Variants in STK3 observed in about 807,000 individuals in gnomAD.
The protein encoded by STK3 is serine/threonine kinase 3, also known as serine/threonine-protein kinase 3.
STK3 carries 41 observed loss-of-function variants against 58.0 expected under a neutral mutation model. The ratio of observed to expected loss-of-function variants is 0.71; its 90% confidence interval spans 0.55 to 0.92. STK3 has a LOEUF of 0.92. STK3 is among the 40% of genes least tolerant of loss of function. The pLI is 0.00. For synonymous variants in STK3, 170 were observed against 191.0 expected, an observed-to-expected ratio of 0.89 and a Z score of 0.91; for missense variants, 479 against 602.7, an observed-to-expected ratio of 0.79 and a Z score of 2.15.
At chr8:98,903,584 C>A in intron 1 of STK3, among the ~76,000 whole-genome samples, 1 of 132,424 alleles carries the variant, frequency 7.6e-6, no homozygotes, top group Non-Finnish European at 1.5e-5. Flanking sequence ...TGGGGCCTTG[C>A]TCTGTCACTC....
chr8:98,913,244 A>G (rs887241592), intron 1 of STK3, among the ~76,000 whole-genome samples: 1 of 152,248 alleles, frequency 6.6e-6, no homozygotes, highest in Non-Finnish European at 1.5e-5. Context: ...CTTCTTTCAA[A>G]TTCCACAAAT....
intron 2 of STK3, among the ~76,000 whole-genome samples, chr8:98,375,580 CCT>C (rs1817666562): frequency 6.6e-6 from 1 of 152,148 alleles, no homozygotes; most frequent in Non-Finnish European, 1.5e-5. Flanking sequence ...GGCCTTAATC[CCT>C]GGAAACCACT....
intron 1 of STK3, among the ~76,000 whole-genome samples, chr8:98,892,457 C>T (rs1168271262): frequency 2.0e-5 from 3 of 152,196 alleles, no homozygotes; most frequent in Admixed American, 6.5e-5. Flanking sequence ...AGAATGAAGT[C>T]CAGATTCGTT....
At chr8:98,691,550 A>C (rs898370890) in intron 6 of STK3, among the ~76,000 whole-genome samples, 36 of 152,170 alleles carry the variant, frequency 2.4e-4, no homozygotes, top group Admixed American at 8.5e-4. Context: ...GGCAGTAAAA[A>C]GTTAAAGGAG....
chr8:98,663,887 C>A (rs562095069), intron 6 of STK3, among the ~76,000 whole-genome samples: 4 of 152,250 alleles, frequency 2.6e-5, no homozygotes, highest in African/African-American at 9.6e-5. Flanking sequence ...TTCTCCTTTA[C>A]AACAAACTTT....
At chr8:98,840,240 AG>A (rs1337344751) in intron 3 of STK3, among the ~76,000 whole-genome samples, 3 of 151,196 alleles carry the variant, frequency 2.0e-5, no homozygotes, top group Non-Finnish European at 4.4e-5. Flanking sequence ...CCAGCCACTC[AG>A]GAGGCTGAGG....
chr8:98,792,131 CA>C (rs1468806274), intron 1 of STK3, among the ~76,000 whole-genome samples: 2 of 152,078 alleles, frequency 1.3e-5, no homozygotes, highest in African/African-American at 2.4e-5. Context: ...ACAATCCCAT[CA>C]AAAAGTGGGC....
At chr8:98,796,709 A>T (rs1204384570) in intron 1 of STK3, among the ~76,000 whole-genome samples, 1 of 152,240 alleles carries the variant, frequency 6.6e-6, no homozygotes, top group Non-Finnish European at 1.5e-5. Context: ...CAAACTATGC[A>T]GCCGTCAAAG....
intron 1 of STK3, among the ~76,000 whole-genome samples, chr8:98,803,740 T>A (rs551823233): frequency 6.6e-6 from 1 of 152,226 alleles, no homozygotes; most frequent in South Asian, 2.1e-4. Flanking sequence ...AATGAATCTT[T>A]AAAACGGGTA....
At chr8:98,461,395 T>C (rs1414952574) in intron 10 of STK3, among the ~76,000 whole-genome samples, 1 of 152,252 alleles carries the variant, frequency 6.6e-6, no homozygotes, top group Admixed American at 6.5e-5. Context: ...GGTAAGTCTC[T>C]TGAAGACAGC....
chr8:98,792,429 G>T (rs1832861491), intron 1 of STK3, among the ~76,000 whole-genome samples: 1 of 152,224 alleles, frequency 6.6e-6, no homozygotes, highest in South Asian at 2.1e-4. Flanking sequence ...GGGAGCAGTG[G>T]CTCACGCCTG....
At chr8:98,733,406 C>G (rs997748415) in intron 4 of STK3, among the ~76,000 whole-genome samples, 1 of 152,206 alleles carries the variant, frequency 6.6e-6, no homozygotes, top group African/African-American at 2.4e-5. Context: ...AGATCAGCAG[C>G]AGCATTAGAT....
chr8:98,479,711 T>G (rs1217708971), intron 10 of STK3, among the ~76,000 whole-genome samples: 2 of 152,070 alleles, frequency 1.3e-5, no homozygotes. Flanking sequence ...TTACTTGACA[T>G]ATGAAGAATC....
At chr8:98,853,362 G>C (rs546089861) in intron 3 of STK3, among the ~76,000 whole-genome samples, 5 of 152,272 alleles carry the variant, frequency 3.3e-5, no homozygotes, top group Non-Finnish European at 7.4e-5. Flanking sequence ...TTGGATTGAG[G>C]CAGAAGTTGG....
chr8:98,622,906 T>A (rs1409336649), intron 6 of STK3, among the ~76,000 whole-genome samples: 1 of 152,202 alleles, frequency 6.6e-6, no homozygotes, highest in African/African-American at 2.4e-5. Flanking sequence ...CAATAATAAA[T>A]TACATGGGAC....
chr8:98,539,328 T>C (rs144190749), intron 9 of STK3, among the ~76,000 whole-genome samples: 1,658 of 152,236 alleles, frequency 0.011, 25 homozygotes, highest in African/African-American at 0.037. Flanking sequence ...GAGAAAGATA[T>C]TACTAAGCAA....
intron 3 of STK3, chr8:98,401,634 CA>C (rs1427308593): frequency 1.3e-5 from 2 of 152,212 alleles, no homozygotes; most frequent in Non-Finnish European, 2.9e-5. Context: ...AACAATCACT[CA>C]CACCAAGCAT....
intron 1 of STK3, among the ~76,000 whole-genome samples, chr8:98,814,330 C>T (rs1246650805): frequency 2.6e-5 from 4 of 151,206 alleles, no homozygotes; most frequent in Non-Finnish European, 2.9e-5. Context: ...GGATTACAGC[C>T]GTGAGCCACC....
At chr8:98,521,262 C>CA (rs1434888291) in intron 10 of STK3, among the ~76,000 whole-genome samples, 1 of 152,112 alleles carries the variant, frequency 6.6e-6, no homozygotes, top group African/African-American at 2.4e-5. Context: ...TGGATCCAGT[C>CA]ATATGATCTC....
Sources: allele counts gnomAD v4.1 joint callset (sites outside exome capture counted in the v4.1 genomes callset), GRCh38; gene constraint gnomAD v4.1.1; transcripts MANE v1.5; gene names NCBI Gene and HGNC (gene_info 2026-07-23, HGNC 2026-07-21).